The following IL10 variants were observed in gnomAD, a reference collection of about 807,000 sequenced individuals.
IL10 encodes interleukin 10.
IL10 carries 7 observed loss-of-function variants against 21.0 expected under a neutral mutation model. That is an observed-to-expected ratio of 0.33 (90% CI 0.19 to 0.63). The LOEUF (loss-of-function observed/expected upper bound fraction) is 0.63. Among genes scored for constraint, IL10 ranks in the 20% least tolerant of loss-of-function variants. The pLI, the probability that IL10 is intolerant of heterozygous loss-of-function variation, is 0.77. For synonymous variants in IL10, 83 were observed against 79.7 expected (o/e 1.04, Z -0.22); for missense variants, 161 against 213.0 (o/e 0.76, Z 1.52).
intron 3 of IL10, 51 bp from the exon 4 acceptor site, chr1:206,769,945 C>A (rs1674772083): frequency 1.4e-6 from 2 of 1,472,564 alleles, no homozygotes; most frequent in African/African-American, 1.4e-5. Context: ...AGCTCCATGT[C>A]CATCACACTT....
Position 206,768,726 on chromosome 1 carries a change from G to C in IL10, c.447C>G (p.Leu149=). ...TGGCTTTGTAGATGCCTTTCTCTTG[G>C]AGCTGTGCAGAGAGATAAGAAACAT... ...VEQVKNAFNK[L]QEKGIYKAMS... The change falls in exon 5 of 5, where the codon CTC becomes CTG. Residue 149 remains leucine, a splice_region_variant and synonymous_variant. Coordinates refer to ENST00000423557, the MANE Select transcript of IL10 (RefSeq NM_000572.3). 6 of 1,586,218 alleles carry C rather than the reference G, an allele frequency of 3.8e-6. No individual in the cohort carries two copies. The highest frequency in any genetic ancestry group is 5.2e-6 in the Non-Finnish European group (6 of 1,154,712).
chr1:206,769,413 A>T (rs1479851905), intron 4 of IL10, among the ~76,000 whole-genome samples: 9 of 152,216 alleles, frequency 5.9e-5, no homozygotes. Context: ...AGTTCTGGGG[A>T]GTCTGGGCTG....
In IL10 at chr1:206,768,458, G is replaced by A. The variant is rs1231259356; in HGVS notation, c.*178C>T. 9 of 601,958 alleles carry A rather than the reference G, an allele frequency of 1.5e-5. No homozygotes were observed. The highest frequency in any genetic ancestry group is 1.8e-5 in the Non-Finnish European group (6 of 339,164). The allele number at this position is 601,958 out of a possible 1,614,324, so 37.3% of individuals were successfully genotyped here. A position where few individuals can be genotyped will look rare whatever the true frequency, so the allele number is the denominator to read the frequency against. On this transcript the variant is annotated 3_prime_UTR_variant, in exon 5 of 5. Coordinates refer to ENST00000423557, the MANE Select transcript of IL10 (RefSeq NM_000572.3). Reference sequence around the variant, plus strand: ...TGGGCTTCTTTCTAAATCGTTCACAGAGAAGCTCAGTAAATAAATAGAAAT... The same window carrying A: ...TGGGCTTCTTTCTAAATCGTTCACAAAGAAGCTCAGTAAATAAATAGAAAT...
In IL10 at chr1:206,768,335, T is replaced by A; in HGVS notation, c.*301A>T. The A allele has an allele frequency of 1.1e-5, 4 of 348,068 alleles. No individual in the cohort carries two copies. The South Asian group carries it at 1.7e-4, about 14-fold the overall frequency. The allele number at this position is 348,068 out of a possible 1,614,324, so 21.6% of individuals were successfully genotyped here. ...TTTTTTTCCTCCCTTATGTAACTTA[T>A]AATTTATCTTAAAACACTCAAATAC... is the stretch of plus-strand genomic sequence containing the variant. On this transcript the variant is annotated 3_prime_UTR_variant, in exon 5 of 5. Transcript: ENST00000423557.
chr1:206,771,181 G>A (rs1043665980), intron 2 of IL10, 122 bp from the exon 3 acceptor site: 7 of 1,243,282 alleles, frequency 5.6e-6, no homozygotes, highest in African/African-American at 2.9e-5. Flanking sequence ...AAGCCTCCCC[G>A]AAGGGACTGA....
intron 1 of IL10, among the ~76,000 whole-genome samples, chr1:206,771,690 G>A (rs773139706): frequency 2.6e-5 from 4 of 152,168 alleles, no homozygotes; most frequent in Admixed American, 6.5e-5. Context: ...TTCTTTCTGC[G>A]GAGCTACATT....
At position 206,772,275 on chromosome 1, in the gene IL10, A is replaced by G. The variant is rs771131184; in HGVS notation, c.161T>C (p.Phe54Ser). The change falls in exon 1 of 5, where the codon TTC becomes TCC. Residue 54 changes from phenylalanine to serine, a missense_variant. By Grantham distance (155) the Phe-to-Ser change is radical. Coordinates refer to ENST00000423557, the MANE Select transcript of IL10 (RefSeq NM_000572.3). ...LRDAFSRVKT[F>S]FQMKDQLDNL... Reference sequence around the variant, plus strand: ...ACAGGAAGGAATCATACTCACAAAGAAAGTCTTCACTCTGCTGAAGGCATC... The same window carrying G: ...ACAGGAAGGAATCATACTCACAAAGGAAGTCTTCACTCTGCTGAAGGCATC... 4 of 1,613,960 alleles carry G rather than the reference A, an allele frequency of 2.5e-6. No individual in the cohort carries two copies. The highest frequency in any genetic ancestry group is 2.5e-6 in the Non-Finnish European group (3 of 1,179,838).
Position 206,772,369 on chromosome 1 carries a change from C to T in IL10, c.67G>A (p.Gly23Ser). 1.2e-6 allele frequency: 2 copies of T among 1,614,130 alleles called. No homozygotes were observed. Among genetic ancestry groups the T allele is most frequent in the South Asian group, 1.1e-5 (1 of 91,072 alleles). Residue 23 changes from glycine (G) to serine (S), a missense_variant, in exon 1 of 5, where the codon GGC becomes AGC. By Grantham distance (56) the Gly-to-Ser change is moderately conservative. Coordinates refer to ENST00000423557, the MANE Select transcript of IL10 (RefSeq NM_000572.3). Reference sequence around the variant, plus strand: ...GTGCAGCTGTTCTCAGACTGGGTGCCCTGGCCTGGGCTGGCCCTCACCCCA... The same window carrying T: ...GTGCAGCTGTTCTCAGACTGGGTGCTCTGGCCTGGGCTGGCCCTCACCCCA... ...LTGVRASPGQGTQSENSCTHF... is the reference protein window; with the variant it reads ...LTGVRASPGQSTQSENSCTHF...
At chr1:206,771,295 CAG>C (rs1188251895) in intron 2 of IL10, 59 bp downstream of exon 2, 2 of 1,453,552 alleles carry the variant, frequency 1.4e-6, no homozygotes, top group South Asian at 1.1e-5. Context: ...AATCAGGAAG[CAG>C]AGTCTCCCTT....
intron 1 of IL10, 77 bp from the exon 2 acceptor site, chr1:206,771,492 A>C: frequency 8.2e-7 from 1 of 1,222,372 alleles, no homozygotes; most frequent in South Asian, 1.3e-5. Context: ...ATGCCCTTTC[A>C]TTTAGAGATT....
rs74477346 is a variant in IL10 at position 206,771,460 on chromosome 1, T to C, written c.166-45A>G. The C allele has an allele frequency of 2.0e-3, 3,048 of 1,487,452 alleles. 52 individuals are homozygous for C. The African/African-American group carries it at 0.031, about 15-fold the overall frequency. The allele number at this position is 1,487,452 out of a possible 1,614,324, so 92.1% of individuals were successfully genotyped here. The stretch of plus-strand genomic sequence containing the variant: ...AGAATGAACTTGAGGTTTGGGGAAA[T>C]AACTGAAATGCGGTCTTTTTGATGC... On this transcript the variant is annotated intron_variant, in intron 1 of 4. Transcript: ENST00000423557.
In IL10 at chr1:206,768,555, C is replaced by G; in HGVS notation, c.*81G>C. On this transcript the variant is annotated 3_prime_UTR_variant, in exon 5 of 5. Coordinates refer to ENST00000423557, the MANE Select transcript of IL10 (RefSeq NM_000572.3). ...AATAAGGTTTCTCAAGGGGCTGGGT[C>G]AGCTATCCCAGAGCCCCAGATCCGA... 5 of 781,454 alleles carry G rather than the reference C, an allele frequency of 6.4e-6. 1 individual carries two copies. The South Asian group carries it at 7.0e-5, about 11-fold the overall frequency. The allele number at this position is 781,454 out of a possible 1,614,324, so 48.4% of individuals were successfully genotyped here. A position where few individuals can be genotyped will look rare whatever the true frequency, so the allele number is the denominator to read the frequency against.
chr1:206,769,426 C>T (rs1054852115), intron 4 of IL10, among the ~76,000 whole-genome samples: 3 of 152,230 alleles, frequency 2.0e-5, no homozygotes, highest in Non-Finnish European at 4.4e-5. Context: ...CTGGGCTGAA[C>T]CCCCAGGTGT....
intron 4 of IL10, 30 bp from the exon 5 acceptor site, chr1:206,768,758 A>C: frequency 1.4e-6 from 2 of 1,410,394 alleles, no homozygotes; most frequent in East Asian, 4.6e-5. Context: ...ACATACAGTT[A>C]AAATCCTTTC....
intron 4 of IL10, 123 bp downstream of exon 4, chr1:206,769,706 T>C (rs976241419): frequency 1.3e-6 from 1 of 788,648 alleles, no homozygotes; most frequent in South Asian, 1.4e-5. Context: ...ATCTGTCAGG[T>C]TCCCACACTC....
At chr1:206,772,062 G>T (rs547815096) in intron 1 of IL10, among the ~76,000 whole-genome samples, 1 of 152,298 alleles carries the variant, frequency 6.6e-6, no homozygotes, top group East Asian at 1.9e-4. Context: ...TATAAGGCAG[G>T]TTTCCTGCAC....
At position 206,770,904 on chromosome 1, in the gene IL10, T is replaced by C; in HGVS notation, c.378+3A>G. The C allele has an allele frequency of 6.2e-7, 1 of 1,613,962 alleles. No individual in the cohort carries two copies. The highest frequency in any genetic ancestry group is 8.5e-7 in the Non-Finnish European group (1 of 1,179,856). The stretch of plus-strand genomic sequence containing the variant: ...CAAGGGAAAAAACTGATCTGCTACT[T>C]ACACAGCGCCGTAGCCTCAGCCTGA... On this transcript the variant is annotated splice_donor_region_variant and intron_variant, in intron 3 of 4. Coordinates refer to ENST00000423557, the MANE Select transcript of IL10 (RefSeq NM_000572.3).
Position 206,771,413 on chromosome 1 carries a change from T to C in IL10, c.168A>G (p.Gln56=). 6.2e-7 allele frequency: 1 copy of C among 1,607,520 alleles called. No individual in the cohort carries two copies. ...DAFSRVKTFF[Q]MKDQLDNLLL... ...ACAAGTTGTCCAGCTGATCCTTCAT[T>C]TGCTGCAGGAAGAACAAAAGGAGAA... is the stretch of plus-strand genomic sequence containing the variant. The change falls in exon 2 of 5, where the codon CAA becomes CAG. Residue 56 remains glutamine (Q), a splice_region_variant and synonymous_variant. Coordinates refer to ENST00000423557, the MANE Select transcript of IL10 (RefSeq NM_000572.3).
intron 3 of IL10, chr1:206,770,277 G>T: frequency 2.7e-6 from 1 of 366,098 alleles, no homozygotes; most frequent in Non-Finnish European, 5.3e-6. Flanking sequence ...AAGCTACTGG[G>T]ACCAAACCCT....
Sources: gnomAD v4.1 joint callset for allele counts (sites outside exome capture counted in the v4.1 genomes callset) on GRCh38, gnomAD v4.1.1 for gene constraint, MANE v1.5 for transcripts, NCBI Gene and HGNC (gene_info 2026-07-23, HGNC 2026-07-21) for gene names.